PLCB1: variants seen among roughly 807,000 people sequenced by gnomAD.
PLCB1 encodes phospholipase C beta 1.
In PLCB1, 46 loss-of-function variants were observed where a neutral mutation model predicts 161.8. The observed-to-expected ratio is 0.28, with a 90% CI of 0.22 to 0.36. The LOEUF (loss-of-function observed/expected upper bound fraction) is 0.36, where lower values mean the gene tolerates loss of function less well. Ranked by LOEUF, PLCB1 falls within the 10% of genes least tolerant of loss-of-function variation. The pLI, the probability that PLCB1 is intolerant of heterozygous loss-of-function variation, is 1.00. For missense variants in PLCB1, 1,016 were observed against 1,472.5 expected, an observed-to-expected ratio of 0.69 and a Z score of 5.07; for synonymous variants, 517 against 503.7, an observed-to-expected ratio of 1.03 and a Z score of -0.35.
At chr20:8,198,951 G>C (rs557636922) in intron 2 of PLCB1, among the ~76,000 whole-genome samples, 99 of 149,448 alleles carry the variant, frequency 6.6e-4, no homozygotes, top group Non-Finnish European at 1.2e-3. Context: ...CAGACAGACA[G>C]ACACACACAC....
At chr20:8,600,319 G>C (rs1214205664) in intron 3 of PLCB1, among the ~76,000 whole-genome samples, 1 of 99,656 alleles carries the variant, frequency 1.0e-5, no homozygotes, top group African/African-American at 4.1e-5. Context: ...CCTTCTAACA[G>C]ACAGGACCCT....
At chr20:8,525,238 T>C (rs1984534721) in intron 3 of PLCB1, among the ~76,000 whole-genome samples, 1 of 129,610 alleles carries the variant, frequency 7.7e-6, no homozygotes, top group Non-Finnish European at 1.6e-5. Context: ...AAATATCTTC[T>C]TAACCCATAT....
chr20:8,220,337 G>T (rs1979337864), intron 2 of PLCB1, among the ~76,000 whole-genome samples: 1 of 152,192 alleles, frequency 6.6e-6, no homozygotes, highest in Non-Finnish European at 1.5e-5. Flanking sequence ...TATTCAGAGA[G>T]AAATGATGCA....
intron 2 of PLCB1, among the ~76,000 whole-genome samples, chr20:8,362,092 TGCA>T (rs1986561805): frequency 6.6e-6 from 1 of 152,210 alleles, no homozygotes; most frequent in South Asian, 2.1e-4. Flanking sequence ...TCTGAATACA[TGCA>T]ACATCATTCA....
intron 2 of PLCB1, among the ~76,000 whole-genome samples, chr20:8,334,103 G>A (rs1303086766): frequency 6.6e-6 from 1 of 152,150 alleles, no homozygotes; most frequent in African/African-American, 2.4e-5. Flanking sequence ...CAGCTACTTG[G>A]GAGGCTGAGG....
chr20:8,490,903 T>G (rs932035795), intron 3 of PLCB1, among the ~76,000 whole-genome samples: 3 of 150,726 alleles, frequency 2.0e-5, no homozygotes, highest in African/African-American at 7.3e-5. Context: ...TGTACACATA[T>G]ATATGTGTAC....
At chr20:8,559,882 T>C (rs1986087891) in intron 3 of PLCB1, among the ~76,000 whole-genome samples, 1 of 152,002 alleles carries the variant, frequency 6.6e-6, no homozygotes, top group South Asian at 2.1e-4. Context: ...TGTGTATAAC[T>C]CTGCAAATCC....
intron 2 of PLCB1, among the ~76,000 whole-genome samples, chr20:8,316,633 C>G (rs1984667894): frequency 6.6e-6 from 1 of 152,144 alleles, no homozygotes. Flanking sequence ...GAACTATTCT[C>G]TAATAAATGC....
chr20:8,549,891 G>A (rs764670173), intron 3 of PLCB1, among the ~76,000 whole-genome samples: 1 of 152,106 alleles, frequency 6.6e-6, no homozygotes, highest in African/African-American at 2.4e-5. Flanking sequence ...GGTTTTATAA[G>A]GTGCATCCCC....
At chr20:8,222,051 T>C (rs1259807068) in intron 2 of PLCB1, among the ~76,000 whole-genome samples, 2 of 152,204 alleles carry the variant, frequency 1.3e-5, no homozygotes, top group Non-Finnish European at 2.9e-5. Context: ...GGTTCCATAG[T>C]GGTTGTATGC....
intron 23 of PLCB1, among the ~76,000 whole-genome samples, chr20:8,754,656 G>A (rs1279259590): frequency 1.3e-5 from 2 of 152,124 alleles, no homozygotes; most frequent in Admixed American, 1.3e-4. Flanking sequence ...GTAACCATGG[G>A]CACCCTCTTC....
chr20:8,497,375 A>G (rs1411163328), intron 3 of PLCB1, among the ~76,000 whole-genome samples: 3 of 152,220 alleles, frequency 2.0e-5, no homozygotes, highest in African/African-American at 7.2e-5. Context: ...TTAGGTAAAT[A>G]CTGTCTGTCT....
At chr20:8,201,321 T>G (rs1373916021) in intron 2 of PLCB1, among the ~76,000 whole-genome samples, 1 of 152,082 alleles carries the variant, frequency 6.6e-6, no homozygotes, top group South Asian at 2.1e-4. Flanking sequence ...ATATTGTGGG[T>G]TTTTTTAACC....
intron 31 of PLCB1, among the ~76,000 whole-genome samples, chr20:8,801,499 T>G (rs936686663): frequency 2.0e-5 from 3 of 152,210 alleles, no homozygotes; most frequent in Non-Finnish European, 4.4e-5. Flanking sequence ...AGGCTTTGTC[T>G]GTTTCGTTCC....
At chr20:8,766,212 A>C (rs1982306997) in intron 26 of PLCB1, among the ~76,000 whole-genome samples, 1 of 152,206 alleles carries the variant, frequency 6.6e-6, no homozygotes, top group Non-Finnish European at 1.5e-5. Context: ...CTCAAATAGT[A>C]ACATGGTAAT....
At chr20:8,779,743 T>G (rs1052977442) in intron 27 of PLCB1, among the ~76,000 whole-genome samples, 2 of 152,208 alleles carry the variant, frequency 1.3e-5, no homozygotes, top group African/African-American at 4.8e-5. Context: ...TTTTAGAGTG[T>G]GTATCATTGC....
At chr20:8,138,186 A>G (rs769726503) in intron 1 of PLCB1, among the ~76,000 whole-genome samples, 2 of 152,214 alleles carry the variant, frequency 1.3e-5, no homozygotes, top group Non-Finnish European at 2.9e-5. Context: ...TTCCCCACCT[A>G]TGGTGAATGA....
intron 2 of PLCB1, among the ~76,000 whole-genome samples, chr20:8,285,362 T>G (rs1983065945): frequency 6.6e-6 from 1 of 151,886 alleles, no homozygotes; most frequent in Admixed American, 6.6e-5. Context: ...CTTTTCATAT[T>G]TATTCAGAAT....
At chr20:8,736,834 G>A (rs539778113) in intron 19 of PLCB1, among the ~76,000 whole-genome samples, 194 bp from the exon 20 acceptor site, 9 of 152,250 alleles carry the variant, frequency 5.9e-5, no homozygotes, top group Non-Finnish European at 7.4e-5. Context: ...ATTTGGGTGA[G>A]GACATAGAAC....
Sources: allele counts gnomAD v4.1 joint callset (sites outside exome capture counted in the v4.1 genomes callset), GRCh38; gene constraint gnomAD v4.1.1; transcripts MANE v1.5; gene names NCBI Gene and HGNC (gene_info 2026-07-23, HGNC 2026-07-21).